Variants in ELOVL6 observed in about 807,000 individuals in gnomAD.
The protein encoded by ELOVL6 is very long chain fatty acid elongase 6.
Under a neutral mutation model 31.7 loss-of-function variants are expected in ELOVL6, and 8 were observed. The ratio of observed to expected loss-of-function variants is 0.25; its 90% CI spans 0.15 to 0.45. The LOEUF (loss-of-function observed/expected upper bound fraction) is 0.45, where lower values mean the gene tolerates loss of function less well. Among genes scored for constraint, ELOVL6 ranks in the 20% least tolerant of loss-of-function variants. ELOVL6 has a pLI of 1.00. For missense variants in ELOVL6, 126 were observed against 326.4 expected, an observed-to-expected ratio of 0.39 and a Z score of 4.73; for synonymous variants, 101 against 117.7, an observed-to-expected ratio of 0.86 and a Z score of 0.92.
At chr4:110,120,331 CAAAAAAT>C (rs200925630) in intron 1 of ELOVL6, among the ~76,000 whole-genome samples, 36,904 of 141,112 alleles carry the variant, frequency 0.26, 4,762 homozygotes, top group East Asian at 0.43. Context: ...GGTTTCCTAC[CAAAAAAT>C]AAAAAATAAA....
At chr4:110,184,305 C>CTGAATA (rs764572920) in intron 1 of ELOVL6, among the ~76,000 whole-genome samples, 3 of 152,122 alleles carry the variant, frequency 2.0e-5, no homozygotes, top group Admixed American at 6.5e-5. Context: ...TATTCAAACA[C>CTGAATA]TGAATATGCC....
intron 2 of ELOVL6, among the ~76,000 whole-genome samples, chr4:110,078,339 G>A (rs1755717579): frequency 6.6e-6 from 1 of 152,214 alleles, no homozygotes. Context: ...CAGCCAGAGA[G>A]AAAGGTTGGG....
intron 1 of ELOVL6, among the ~76,000 whole-genome samples, chr4:110,165,507 G>C (rs1002819571): frequency 1.4e-4 from 21 of 152,256 alleles, no homozygotes; most frequent in African/African-American, 4.6e-4. Context: ...CATTTTAATA[G>C]CACTGCAAGA....
chr4:110,087,825 A>G (rs970292350), intron 2 of ELOVL6, among the ~76,000 whole-genome samples: 8 of 143,856 alleles, frequency 5.6e-5, no homozygotes, highest in Admixed American at 5.5e-4. Flanking sequence ...AAAACCTCCT[A>G]TTTTCTAGTT....
intron 1 of ELOVL6, among the ~76,000 whole-genome samples, chr4:110,115,821 G>A (rs1330068778): frequency 6.6e-6 from 1 of 152,140 alleles, no homozygotes; most frequent in Non-Finnish European, 1.5e-5. Context: ...GAGTCTTACG[G>A]GGCTAAAATC....
intron 2 of ELOVL6, among the ~76,000 whole-genome samples, chr4:110,078,417 A>G (rs911298333): frequency 2.6e-5 from 4 of 152,178 alleles, no homozygotes; most frequent in African/African-American, 9.7e-5. Context: ...AAGCCAGAAG[A>G]GAGTGGGGGC....
At chr4:110,146,959 C>T (rs1758131209) in intron 1 of ELOVL6, 1 of 152,736 alleles carries the variant, frequency 6.5e-6, no homozygotes, top group Admixed American at 6.6e-5. Context: ...CACTGCACTC[C>T]AGCCTGAGCA....
chr4:110,087,072 A>G (rs1250408348), intron 2 of ELOVL6, among the ~76,000 whole-genome samples: 1 of 152,026 alleles, frequency 6.6e-6, no homozygotes, highest in Non-Finnish European at 1.5e-5. Context: ...CAAGAGGGGG[A>G]GCCTGTTTAT....
intron 1 of ELOVL6, among the ~76,000 whole-genome samples, chr4:110,158,820 C>A (rs569395909): frequency 4.6e-5 from 7 of 151,592 alleles, no homozygotes; most frequent in African/African-American, 1.7e-4. Context: ...GCCACTATGC[C>A]CGGCTAATTT....
rs1037839252 is a variant in ELOVL6, at chr4:110,046,175, A to C, written c.*5163T>G. ...TCTTAGTTTTTGTCGATGGAAATAA[A>C]GTCTCAAGTGCTACTAAGCATTGGG... is the stretch of plus-strand genomic sequence containing the variant. On this transcript the variant is annotated 3_prime_UTR_variant, in exon 4 of 4. Coordinates refer to ENST00000302274, the MANE Select transcript of ELOVL6 (RefSeq NM_024090.3). 1 of 152,226 alleles carries C rather than the reference A, an allele frequency of 6.6e-6. No homozygotes were observed. The highest frequency in any genetic ancestry group is 2.4e-5 in the African/African-American group (1 of 41,456). The allele number at this position is 152,226 out of a possible 1,614,324, so 9.4% of individuals were successfully genotyped here. A position where few individuals can be genotyped will look rare whatever the true frequency, so the allele number is the denominator to read the frequency against.
At chr4:110,092,442 G>A (rs1373355332) in intron 2 of ELOVL6, among the ~76,000 whole-genome samples, 5 of 152,056 alleles carry the variant, frequency 3.3e-5, no homozygotes, top group Admixed American at 1.3e-4. Flanking sequence ...ACCATACGGC[G>A]GGTGACCAAT....
At chr4:110,083,093 T>C (rs947974908) in intron 2 of ELOVL6, among the ~76,000 whole-genome samples, 2 of 151,752 alleles carry the variant, frequency 1.3e-5, no homozygotes, top group African/African-American at 2.4e-5. Flanking sequence ...AAGCAAACTT[T>C]TTCTATGCCG....
intron 1 of ELOVL6, among the ~76,000 whole-genome samples, chr4:110,115,108 C>T (rs971749950): frequency 4.6e-5 from 7 of 151,926 alleles, no homozygotes; most frequent in Admixed American, 2.6e-4. Context: ...CATGTTTTCA[C>T]GTTAACTATT....
chr4:110,114,303 C>T (rs1018374249), intron 1 of ELOVL6, among the ~76,000 whole-genome samples: 8 of 151,998 alleles, frequency 5.3e-5, no homozygotes. Context: ...TACACAAATA[C>T]AATTATGGGC....
intron 2 of ELOVL6, among the ~76,000 whole-genome samples, chr4:110,092,221 A>G (rs1756446908): frequency 6.6e-6 from 1 of 152,186 alleles, no homozygotes; most frequent in Admixed American, 6.5e-5. Flanking sequence ...CAGATCTGGG[A>G]CATCTGTCAA....
intron 2 of ELOVL6, among the ~76,000 whole-genome samples, chr4:110,066,442 C>A (rs1364771914): frequency 2.0e-5 from 3 of 151,718 alleles, no homozygotes; most frequent in Admixed American, 6.6e-5. Flanking sequence ...CGAGATCATC[C>A]TGGCTAACAC....
At chr4:110,180,183 A>C (rs1759230496) in intron 1 of ELOVL6, among the ~76,000 whole-genome samples, 1 of 152,168 alleles carries the variant, frequency 6.6e-6, no homozygotes, top group African/African-American at 2.4e-5. Context: ...CATATAATGC[A>C]AGTTCACCCC....
At chr4:110,084,009 A>G (rs1349889720) in intron 2 of ELOVL6, among the ~76,000 whole-genome samples, 2 of 85,082 alleles carry the variant, frequency 2.4e-5, no homozygotes, top group Non-Finnish European at 5.0e-5. Flanking sequence ...TATGCCATAT[A>G]TGGTATATAA....
At chr4:110,124,701 C>T (rs1453489483) in intron 1 of ELOVL6, among the ~76,000 whole-genome samples, 1 of 151,280 alleles carries the variant, frequency 6.6e-6, no homozygotes, top group East Asian at 1.9e-4. Context: ...CACATGTATC[C>T]TGGAACTTAA....
Sources: gnomAD v4.1 joint callset for allele counts (sites outside exome capture counted in the v4.1 genomes callset) on GRCh38, gnomAD v4.1.1 for gene constraint, MANE v1.5 for transcripts, NCBI Gene and HGNC (gene_info 2026-07-23, HGNC 2026-07-21) for gene names.